RIMS1: variants seen among roughly 807,000 people sequenced by gnomAD.
RIMS1 encodes regulating synaptic membrane exocytosis 1.
Under a neutral mutation model 214.1 loss-of-function variants are expected in RIMS1, and 83 were observed. The observed-to-expected ratio is 0.39, with a 90% CI of 0.32 to 0.47. The LOEUF (loss-of-function observed/expected upper bound fraction) is 0.47, where lower values mean the gene tolerates loss of function less well. RIMS1 is among the 20% of genes least tolerant of loss of function. The pLI is 0.99. For synonymous variants in RIMS1, 793 were observed against 786.8 expected (o/e 1.01, Z -0.13); for missense variants, 2,050 against 2,161.8 (o/e 0.95, Z 1.03).
intron 29 of RIMS1, among the ~76,000 whole-genome samples, chr6:72,340,787 A>G (rs978952475): frequency 1.3e-5 from 2 of 152,122 alleles, no homozygotes; most frequent in South Asian, 2.1e-4. Context: ...GTTCCATATG[A>G]ACTTTAAAGT....
chr6:72,381,144 C>T (rs534436306), intron 29 of RIMS1, among the ~76,000 whole-genome samples: 54 of 152,118 alleles, frequency 3.5e-4, no homozygotes, highest in Non-Finnish European at 5.9e-4. Flanking sequence ...GAGGCTCTCT[C>T]CTTGGCTTGC....
At chr6:72,072,787 G>A (rs1247484509) in intron 2 of RIMS1, among the ~76,000 whole-genome samples, 1 of 152,106 alleles carries the variant, frequency 6.6e-6, no homozygotes, top group Non-Finnish European at 1.5e-5. Flanking sequence ...TCAGCCATAA[G>A]ATAAGTTACT....
intron 6 of RIMS1, among the ~76,000 whole-genome samples, chr6:72,230,340 T>TTGGATAG (rs2061553937): frequency 6.6e-6 from 1 of 151,696 alleles, no homozygotes; most frequent in Non-Finnish European, 1.5e-5. Flanking sequence ...AGTTCAAATT[T>TTGGATAG]TCTAATACTT....
chr6:72,230,557 C>T (rs992576895), intron 6 of RIMS1, among the ~76,000 whole-genome samples: 3 of 151,528 alleles, frequency 2.0e-5, no homozygotes, highest in African/African-American at 2.4e-5. Context: ...TGGCATTGAT[C>T]GATCTTATTG....
Position 72,307,367 on chromosome 6 carries a change from C to T in RIMS1, c.3960C>T (p.Ser1320=), listed in dbSNP as rs2154283459. Residue 1320 remains serine (S), a synonymous_variant, in exon 27 of 34, where the codon TCC becomes TCT. Transcript: ENST00000521978. ...AAGAACTTGATCGCGAGCAATATTC[C>T]AAGGTAAAATTAGTAGTATCCAACA... is the stretch of plus-strand genomic sequence containing the variant. ...SSQELDREQY[S]KYNIHKDQYR... The T allele has an allele frequency of 1.3e-6, 2 of 1,581,238 alleles. No individual in the cohort carries two copies. The highest frequency in any genetic ancestry group is 1.7e-6 in the Non-Finnish European group (2 of 1,159,066).
intron 8 of RIMS1, among the ~76,000 whole-genome samples, chr6:72,237,250 AAGGG>A (rs1562915122): frequency 6.6e-6 from 1 of 151,126 alleles, no homozygotes; most frequent in East Asian, 1.9e-4. Flanking sequence ...GGAAGGAAGG[AAGGG>A]AGGGAGGGAG....
At chr6:72,316,766 G>A in intron 28 of RIMS1, 2 of 689,956 alleles carry the variant, frequency 2.9e-6, no homozygotes, top group South Asian at 2.8e-5. Flanking sequence ...CTCCCTAGTA[G>A]GCAGGGCCAG....
At chr6:72,224,213 A>G (rs1387441860) in intron 6 of RIMS1, among the ~76,000 whole-genome samples, 1 of 152,174 alleles carries the variant, frequency 6.6e-6, no homozygotes, top group Non-Finnish European at 1.5e-5. Context: ...TTCCAGGTGC[A>G]TGGTTGTTTG....
intron 2 of RIMS1, among the ~76,000 whole-genome samples, chr6:72,077,088 C>G (rs1295389489): frequency 6.6e-6 from 1 of 152,164 alleles, no homozygotes; most frequent in South Asian, 2.1e-4. Flanking sequence ...AGCCTTTGCA[C>G]GGGCTGCTCC....
At chr6:72,373,506 A>C (rs2098280922) in intron 29 of RIMS1, among the ~76,000 whole-genome samples, 1 of 152,202 alleles carries the variant, frequency 6.6e-6, no homozygotes, top group South Asian at 2.1e-4. Context: ...CAGGATTGTC[A>C]TTGTTTATAG....
chr6:72,075,411 T>C (rs1221275218), intron 2 of RIMS1, among the ~76,000 whole-genome samples: 1 of 151,534 alleles, frequency 6.6e-6, no homozygotes, highest in African/African-American at 2.4e-5. Flanking sequence ...CTCAGCCTCT[T>C]TAAGTATTTT....
Position 72,242,523 on chromosome 6 carries a change from TA to T in RIMS1, c.2081+87del. The T allele has an allele frequency of 3.2e-6, 3 of 940,148 alleles. No homozygotes were observed. In the South Asian group the frequency reaches 5.4e-5, roughly 17 times the overall value. 58.2% of individuals were successfully genotyped at this position (940,148 alleles called of 1,614,324 possible). A position where few individuals can be genotyped will look rare whatever the true frequency, so the allele number is the denominator to read the frequency against. On this transcript the variant is annotated intron_variant, in intron 10 of 33. Coordinates refer to ENST00000521978, the MANE Select transcript of RIMS1 (RefSeq NM_014989.7). Reference sequence around the variant, plus strand: ...AAAAGAATTTTATACATTCATACAGTACATGTTAACATGGATAGTTTTTGCA... The same window carrying T: ...AAAAGAATTTTATACATTCATACAGTCATGTTAACATGGATAGTTTTTGCA...
intron 29 of RIMS1, among the ~76,000 whole-genome samples, chr6:72,352,270 A>G (rs1177993359): frequency 6.6e-6 from 1 of 152,228 alleles, no homozygotes; most frequent in Non-Finnish European, 1.5e-5. Flanking sequence ...GTAGATATTA[A>G]TGAAGACTGG....
intron 29 of RIMS1, among the ~76,000 whole-genome samples, chr6:72,369,141 A>T (rs761601291): frequency 2.5e-4 from 38 of 151,022 alleles, no homozygotes; most frequent in Admixed American, 6.0e-4. Context: ...TGAACAAGAG[A>T]TCAATATGCC....
At chr6:72,400,436 G>C in intron 33 of RIMS1, 60 bp from the exon 34 acceptor site, 3 of 1,437,136 alleles carry the variant, frequency 2.1e-6, no homozygotes, top group Non-Finnish European at 2.9e-6. Context: ...GTTGCTTTGA[G>C]CCCTTCGAAT....
At chr6:72,000,232 C>G (rs192249911) in intron 2 of RIMS1, among the ~76,000 whole-genome samples, 30 of 152,134 alleles carry the variant, frequency 2.0e-4, no homozygotes, top group African/African-American at 6.7e-4. Context: ...TATCCTGATT[C>G]ACAAGTGATG....
intron 29 of RIMS1, among the ~76,000 whole-genome samples, chr6:72,352,150 G>T (rs780478216): frequency 2.6e-5 from 4 of 152,262 alleles, no homozygotes; most frequent in Admixed American, 6.5e-5. Flanking sequence ...CCAGCTTCTT[G>T]GTAGACTATC....
chr6:72,146,320 G>T (rs924278671), intron 4 of RIMS1, among the ~76,000 whole-genome samples: 1 of 152,090 alleles, frequency 6.6e-6, no homozygotes, highest in Non-Finnish European at 1.5e-5. Context: ...TATTTGCAAG[G>T]CAAACAAAAA....
At chr6:72,235,321 A>G (rs758955204) in intron 7 of RIMS1, among the ~76,000 whole-genome samples, 1 of 152,022 alleles carries the variant, frequency 6.6e-6, no homozygotes, top group African/African-American at 2.4e-5. Context: ...GTAATTGTAT[A>G]TTCTTTAACA....
Sources: gnomAD v4.1 joint callset for allele counts (sites outside exome capture counted in the v4.1 genomes callset) on GRCh38, gnomAD v4.1.1 for gene constraint, MANE v1.5 for transcripts, NCBI Gene and HGNC (gene_info 2026-07-23, HGNC 2026-07-21) for gene names.